The following FAAH2 variants were observed in gnomAD, a reference collection of about 807,000 sequenced individuals.
The protein encoded by FAAH2 is fatty acid amide hydrolase 2, also known as fatty-acid amide hydrolase 2.
FAAH2 carries 60 observed loss-of-function variants against 36.9 expected under a neutral mutation model. The observed-to-expected ratio is 1.63, with a 90% CI of 1.32 to 2.02. FAAH2 has a LOEUF of 2.02. FAAH2 is among the 30% of genes most tolerant of loss of function. FAAH2 has a pLI of 0.00. For synonymous variants in FAAH2, 214 were observed against 143.8 expected, an observed-to-expected ratio of 1.49 and a Z score of -3.49; for missense variants, 689 against 397.5, an observed-to-expected ratio of 1.73 and a Z score of -6.23.
chrX:57,479,528 T>C (rs2057338318), intron 10 of FAAH2, among the ~76,000 whole-genome samples: 1 of 111,231 alleles, frequency 9.0e-6, no homozygotes, highest in Non-Finnish European at 1.9e-5. Context: ...AACACTATGT[T>C]GAGTAGGAGT....
chrX:57,188,840 C>T, the FAAH2 span, among the ~76,000 whole-genome samples: 1 of 111,011 alleles, frequency 9.0e-6, no homozygotes, highest in Non-Finnish European at 1.9e-5. Context: ...TTTCTACCTT[C>T]GAGAATCTGA....
In FAAH2 at chrX:57,440,413, G is replaced by T. The variant is rs2056524107; in HGVS notation, c.1117-6515G>T. Among the ~76,000 whole-genome samples, 3 of 110,834 alleles carry T rather than the reference G, an allele frequency of 2.7e-5. No homozygotes were observed. The Admixed American group carries it at 2.9e-4, about 11-fold the overall frequency. ...TTTGGCTCTCTGATTGTCTGTTTTT[G>T]GTGTATAGGAATGCTTGTGATTTTT... is the stretch of plus-strand genomic sequence containing the variant. On this transcript the variant is annotated intron_variant, in intron 8 of 10. Transcript: ENST00000374900.
At chrX:57,238,216 A>G in the FAAH2 span, among the ~76,000 whole-genome samples, 1 of 112,157 alleles carries the variant, frequency 8.9e-6, no homozygotes, top group Non-Finnish European at 1.9e-5. Flanking sequence ...CTGCAGCACT[A>G]TTCACAATAG....
chrX:57,400,996 G>A (rs368368125), intron 7 of FAAH2, among the ~76,000 whole-genome samples: 81 of 111,213 alleles, frequency 7.3e-4, no homozygotes, highest in African/African-American at 2.2e-3. Context: ...GGTGGCGGGC[G>A]CCTGCAGTCC....
At chrX:57,320,629 G>A (rs1312556951) in intron 3 of FAAH2, among the ~76,000 whole-genome samples, 1 of 112,378 alleles carries the variant, frequency 8.9e-6, no homozygotes, top group Non-Finnish European at 1.9e-5. Flanking sequence ...CAAGGATCTA[G>A]AACTAGAAAT....
chrX:57,453,881 G>A (rs1456193003), intron 10 of FAAH2, among the ~76,000 whole-genome samples: 1 of 112,222 alleles, frequency 8.9e-6, no homozygotes, highest in East Asian at 2.8e-4. Context: ...GGCTGGCAGA[G>A]GATTGGGGTG....
the FAAH2 span, among the ~76,000 whole-genome samples, chrX:57,139,802 T>C: frequency 1.9e-4 from 21 of 111,796 alleles, no homozygotes; most frequent in Non-Finnish European, 3.2e-4. Flanking sequence ...ATGCCCCAGC[T>C]TAGTTCTTTT....
chrX:57,411,531 T>G (rs959931446), intron 7 of FAAH2, among the ~76,000 whole-genome samples: 1 of 111,577 alleles, frequency 9.0e-6, no homozygotes, highest in Non-Finnish European at 1.9e-5. Context: ...GTAAGTAGTA[T>G]TCATGACTGA....
At chrX:57,248,333 T>A in the FAAH2 span, among the ~76,000 whole-genome samples, 1 of 112,025 alleles carries the variant, frequency 8.9e-6, no homozygotes, top group African/African-American at 3.2e-5. Flanking sequence ...TAGAGATACA[T>A]ACAGGGAACA....
intron 7 of FAAH2, among the ~76,000 whole-genome samples, chrX:57,428,835 T>A (rs2056224652): frequency 1.8e-5 from 2 of 111,917 alleles, no homozygotes; most frequent in Admixed American, 9.5e-5. Flanking sequence ...GGCAAAGACA[T>A]CATGACAAAG....
the FAAH2 span, among the ~76,000 whole-genome samples, chrX:57,265,887 C>T: frequency 8.9e-6 from 1 of 111,785 alleles, no homozygotes; most frequent in East Asian, 2.8e-4. Flanking sequence ...TGTCCTTCAT[C>T]ACAGTGTGGA....
intron 3 of FAAH2, among the ~76,000 whole-genome samples, chrX:57,323,346 T>C (rs1010196984): frequency 1.8e-5 from 2 of 111,596 alleles, no homozygotes; most frequent in African/African-American, 6.5e-5. Context: ...TGGGTATATA[T>C]CCAGTAATGG....
chrX:57,333,702 G>T (rs1371635191), intron 4 of FAAH2, among the ~76,000 whole-genome samples: 11 of 110,720 alleles, frequency 9.9e-5, no homozygotes, highest in Non-Finnish European at 2.1e-4. Flanking sequence ...CTGTCAAAAA[G>T]AACTTCCAAA....
the FAAH2 span, among the ~76,000 whole-genome samples, chrX:57,240,191 G>C: frequency 1.8e-5 from 2 of 111,659 alleles, no homozygotes; most frequent in South Asian, 7.5e-4. Context: ...GCTCTTCTTT[G>C]TATGGTGCTT....
intron 1 of FAAH2, among the ~76,000 whole-genome samples, chrX:57,287,464 T>A (rs1396043157): frequency 8.9e-6 from 1 of 111,787 alleles, no homozygotes; most frequent in Non-Finnish European, 1.9e-5. Context: ...AAAGTAGTAC[T>A]TGGTCTAGGA....
chrX:57,406,769 C>T (rs2055576616), intron 7 of FAAH2, among the ~76,000 whole-genome samples: 1 of 112,453 alleles, frequency 8.9e-6, no homozygotes, highest in Non-Finnish European at 1.9e-5. Flanking sequence ...GATGCTACCA[C>T]TCTGTGTAGA....
intron 10 of FAAH2, among the ~76,000 whole-genome samples, chrX:57,475,573 C>T (rs1359248142): frequency 9.0e-6 from 1 of 111,590 alleles, no homozygotes; most frequent in Non-Finnish European, 1.9e-5. Flanking sequence ...GATACCAGTG[C>T]CATGCTGTTT....
the FAAH2 span, among the ~76,000 whole-genome samples, chrX:57,223,455 C>A: frequency 8.9e-6 from 1 of 111,809 alleles, no homozygotes; most frequent in African/African-American, 3.3e-5. Context: ...GCCTCCACAA[C>A]CCTTTCCATA....
rs776310457 is a variant in FAAH2 at position 57,479,376 on chromosome X, A to G, written c.1424-9381A>G. Reference sequence around the variant, plus strand: ...CTTTGCTGAAGTTGCTTATCAGCTTAAGGAGATTTTGGGCTGAGACAATGG... The same window carrying G: ...CTTTGCTGAAGTTGCTTATCAGCTTGAGGAGATTTTGGGCTGAGACAATGG... On this transcript the variant is annotated intron_variant, in intron 10 of 10. Transcript: ENST00000374900. Among the ~76,000 whole-genome samples, 226 of 111,884 alleles carry G rather than the reference A, an allele frequency of 2.0e-3. 2 individuals carry two copies. The highest frequency in any genetic ancestry group is 7.1e-3 in the African/African-American group (220 of 30,842).
Sources: gnomAD v4.1 joint callset for allele counts (sites outside exome capture counted in the v4.1 genomes callset) on GRCh38, gnomAD v4.1.1 for gene constraint, MANE v1.5 for transcripts, NCBI Gene and HGNC (gene_info 2026-07-23, HGNC 2026-07-21) for gene names.